TMEM59: variants seen among roughly 807,000 people sequenced by gnomAD.
TMEM59 encodes dendritic cell factor 1.
A neutral mutation model predicts 42.2 loss-of-function variants in TMEM59; 44 were observed. The observed-to-expected ratio is 1.04, with a 90% CI of 0.82 to 1.34. The LOEUF (loss-of-function observed/expected upper bound fraction) is 1.34, where lower values mean the gene tolerates loss of function less well. TMEM59 is among the 40% of genes most tolerant of loss of function. The probability of loss-of-function intolerance (pLI) is 0.00; values close to 1 mark genes in which losing one functional copy is unlikely to be tolerated. For missense variants in TMEM59, 359 were observed against 382.8 expected (o/e 0.94, Z 0.52); for synonymous variants, 148 against 145.8 (o/e 1.02, Z -0.11).
rs576420308 is a variant in TMEM59 at position 54,035,218 on chromosome 1, T to C, written c.816+1392A>G. On this transcript the variant is annotated intron_variant, in intron 7 of 7. Transcript: ENST00000234831. ...TTAATCATTTTTCATGTGCAAATCA[T>C]ATATTTAAACATCTTTATAGTCTAT... Among the ~76,000 whole-genome samples, 7 of 152,298 alleles carry C rather than the reference T, an allele frequency of 4.6e-5. No individual in the cohort carries two copies. The East Asian group carries it at 1.4e-3, about 29-fold the overall frequency.
chr1:54,047,189 C>A, intron 2 of TMEM59, 78 bp downstream of exon 2: 5 of 1,215,700 alleles, frequency 4.1e-6, no homozygotes, highest in Non-Finnish European at 5.8e-6. Context: ...TTTCCATTTC[C>A]TAAAGAAAAT....
chr1:54,032,424 T>G lies in TMEM59; in HGVS notation c.817-119A>C, dbSNP rs191643773. 5.9e-6 allele frequency: 6 copies of G among 1,014,456 alleles called. No individual in the cohort carries two copies. The Admixed American group carries it at 9.9e-5, about 17-fold the overall frequency. 62.8% of individuals were successfully genotyped at this position (1,014,456 alleles called of 1,614,324 possible). Reference sequence around the variant, plus strand: ...GTAAAAAAAATTCTATAAACAACTTTAAGAAAGAAGAATACTTTTTCTCAA... The same window carrying G: ...GTAAAAAAAATTCTATAAACAACTTGAAGAAAGAAGAATACTTTTTCTCAA... On this transcript the variant is annotated intron_variant, in intron 7 of 7. Coordinates refer to ENST00000234831, the MANE Select transcript of TMEM59 (RefSeq NM_004872.5).
chr1:54,038,405 A>T (rs1657025207), intron 6 of TMEM59, among the ~76,000 whole-genome samples: 1 of 152,100 alleles, frequency 6.6e-6, no homozygotes, highest in African/African-American at 2.4e-5. Context: ...CATGTGTAGG[A>T]CTGTGTGTGT....
rs1026151509 is a variant in TMEM59, at chr1:54,032,395, G to T, written c.817-90C>A. 15 of 1,235,392 alleles carry T rather than the reference G, an allele frequency of 1.2e-5. No individual in the cohort carries two copies. In the Admixed American group the frequency reaches 2.1e-4, roughly 17 times the overall value. The allele number at this position is 1,235,392 out of a possible 1,614,324, so 76.5% of individuals were successfully genotyped here. ...TAAATAACAATTTAATTTATAAATAGTTGGTAAAAAAAATTCTATAAACAA... is the reference window on the plus strand; with the variant it reads ...TAAATAACAATTTAATTTATAAATATTTGGTAAAAAAAATTCTATAAACAA... On this transcript the variant is annotated intron_variant, in intron 7 of 7. Coordinates refer to ENST00000234831, the MANE Select transcript of TMEM59 (RefSeq NM_004872.5).
chr1:54,040,694 TATATCTCTCTG>T, intron 6 of TMEM59, 51 bp downstream of exon 6: 1 of 1,235,198 alleles, frequency 8.1e-7, no homozygotes, highest in Non-Finnish European at 1.2e-6. Context: ...TAAAAAGTAA[TATATCTCTCTG>T]ATACAAGCCA....
intron 6 of TMEM59, 109 bp downstream of exon 6, chr1:54,040,646 TA>T: frequency 2.5e-6 from 2 of 805,090 alleles, no homozygotes; most frequent in Non-Finnish European, 4.0e-6. Context: ...AAGGAACAAG[TA>T]AAAAGGTTTA....
chr1:54,033,611 A>C (rs1408171628), intron 7 of TMEM59: 2 of 151,446 alleles, frequency 1.3e-5, no homozygotes, highest in East Asian at 1.9e-4. Context: ...CACAAAAAAA[A>C]AAAAAAAAAA....
chr1:54,047,238 C>G, intron 2 of TMEM59, 29 bp downstream of exon 2: 1 of 1,555,240 alleles, frequency 6.4e-7, no homozygotes, highest in Non-Finnish European at 8.8e-7. Context: ...ATGTTACATA[C>G]AGCTGATGTC....
At position 54,030,191 on chromosome 1, in the gene TMEM59, T is replaced by C. The variant is rs565412839; in HGVS notation, c.*1959A>G. ...TCTCATTATATTGCCCAGGATGGTG[T>C]TGAACTCCTGGCCCCAAGTGATCTA... On this transcript the variant is annotated 3_prime_UTR_variant, in exon 8 of 8. Transcript: ENST00000234831. The C allele has an allele frequency of 2.6e-5, 4 of 152,138 alleles. No individual in the cohort carries two copies. The highest frequency in any genetic ancestry group is 5.9e-5 in the Non-Finnish European group (4 of 68,022). The allele number at this position is 152,138 out of a possible 1,614,324, so 9.4% of individuals were successfully genotyped here.
chr1:54,047,248 C>CG lies in TMEM59; in HGVS notation c.295+18dup, dbSNP rs1657370939. The CG allele has an allele frequency of 6.3e-7, 1 of 1,589,152 alleles. No homozygotes were observed. Among genetic ancestry groups the CG allele is most frequent in the Non-Finnish European group, 8.6e-7 (1 of 1,161,220 alleles). On this transcript the variant is annotated intron_variant, in intron 2 of 7. Coordinates refer to ENST00000234831, the MANE Select transcript of TMEM59 (RefSeq NM_004872.5). ...AAACAATGTTACATACAGCTGATGTCGTTAGCATAGCATCTTACCAGATTC... is the reference window on the plus strand; with the variant it reads ...AAACAATGTTACATACAGCTGATGTCGGTTAGCATAGCATCTTACCAGATTC...
intron 3 of TMEM59, chr1:54,045,006 T>C (rs1383563630): frequency 6.6e-6 from 1 of 152,210 alleles, no homozygotes; most frequent in Non-Finnish European, 1.5e-5. Context: ...TGTATACTCT[T>C]TTTATCTTTT....
intron 1 of TMEM59, among the ~76,000 whole-genome samples, chr1:54,048,433 T>C (rs1323793040): frequency 6.6e-6 from 1 of 152,230 alleles, no homozygotes; most frequent in African/African-American, 2.4e-5. Flanking sequence ...AGAAGGTGCT[T>C]AATAAATGGT....
intron 2 of TMEM59, among the ~76,000 whole-genome samples, chr1:54,046,653 TA>T (rs1657347538): frequency 6.6e-6 from 1 of 152,218 alleles, no homozygotes; most frequent in Non-Finnish European, 1.5e-5. Context: ...GGCATAGTGA[TA>T]GGGGAAAAGG....
chr1:54,036,680 G>A lies in TMEM59; in HGVS notation c.746C>T (p.Ser249Leu), dbSNP rs377060566. The A allele has an allele frequency of 6.8e-5, 109 of 1,609,012 alleles. No homozygotes were observed. The highest frequency in any genetic ancestry group is 5.1e-4 in the South Asian group (46 of 90,154). Reference protein sequence around the residue: ...GWILTTTLVLSVMVLLWICCA... With the variant: ...GWILTTTLVLLVMVLLWICCA... ...ACAAATCCAAAGCAATACCATCACC[G>A]AGAGGACAAGAGTTGTAGTTAAAAT... The change falls in exon 7 of 8, where the codon TCG becomes TTG. Residue 249 changes from serine to leucine, a missense_variant. By Grantham distance (145) the Ser-to-Leu change is moderately radical (BLOSUM62 -2). Transcript: ENST00000234831.
Position 54,047,365 on chromosome 1 carries a change from T to C in TMEM59, c.197A>G (p.Glu66Gly). Residue 66 changes from glutamate to glycine, a missense_variant, in exon 2 of 8, where the codon GAG becomes GGG. Transcript: ENST00000234831. The stretch of plus-strand genomic sequence containing the variant: ...GCAACCTCTCTGACATGCGTACAAC[T>C]CCTCTTCCTAGGGAGTTCAAGAACA... ...YPLHTYPKEE[E>G]LYACQRGCRL... is the part of the protein sequence containing the mutation. 6.2e-7 allele frequency: 1 copy of C among 1,613,220 alleles called. No homozygotes were observed. The highest frequency in any genetic ancestry group is 8.5e-7 in the Non-Finnish European group (1 of 1,179,718).
chr1:54,035,713 A>G lies in TMEM59; in HGVS notation c.816+897T>C, dbSNP rs148539403. Among the ~76,000 whole-genome samples, 944 of 152,222 alleles carry G rather than the reference A, an allele frequency of 6.2e-3. 10 individuals carry two copies. The highest frequency in any genetic ancestry group is 0.022 in the African/African-American group (897 of 41,512). ...CTGCAGCCTCAACCTCCTGGGCTCAAGTGATCCTCCCACCTCAGCCTCCTA... is the reference window on the plus strand; with the variant it reads ...CTGCAGCCTCAACCTCCTGGGCTCAGGTGATCCTCCCACCTCAGCCTCCTA... On this transcript the variant is annotated intron_variant, in intron 7 of 7. Coordinates refer to ENST00000234831, the MANE Select transcript of TMEM59 (RefSeq NM_004872.5).
rs975964733 is a variant in TMEM59, at chr1:54,029,667, T to C, written c.*2483A>G. The C allele has an allele frequency of 9.7e-4, 147 of 152,284 alleles. No individual in the cohort carries two copies. The highest frequency in any genetic ancestry group is 9.5e-3 in the Admixed American group (145 of 15,302). The allele number at this position is 152,284 out of a possible 1,614,324, so 9.4% of individuals were successfully genotyped here. ...CTGTATATATTTTGGGGATTTTTTT[T>C]CAAAAGTAAAATATTTCTTCTCAAA... On this transcript the variant is annotated 3_prime_UTR_variant, in exon 8 of 8. Coordinates refer to ENST00000234831, the MANE Select transcript of TMEM59 (RefSeq NM_004872.5).
intron 7 of TMEM59, among the ~76,000 whole-genome samples, chr1:54,036,387 CAT>C (rs1256529940): frequency 6.6e-6 from 1 of 152,048 alleles, no homozygotes; most frequent in Non-Finnish European, 1.5e-5. Context: ...AGCCAGTCAA[CAT>C]ATATGTCACC....
In TMEM59 at chr1:54,027,454, T is replaced by C. The variant is rs1194155168; in HGVS notation, c.*4696A>G. On this transcript the variant is annotated 3_prime_UTR_variant, in exon 8 of 8. Coordinates refer to ENST00000234831, the MANE Select transcript of TMEM59 (RefSeq NM_004872.5). The stretch of plus-strand genomic sequence containing the variant: ...AAGTTTGAAACAAATAAGTCATTAA[T>C]ATCACAGGAAGAGAGTACTTAATAG... 6.6e-6 allele frequency: 1 copy of C among 152,152 alleles called. No homozygotes were observed. The highest frequency in any genetic ancestry group is 1.5e-5 in the Non-Finnish European group (1 of 68,034). 9.4% of individuals were successfully genotyped at this position (152,152 alleles called of 1,614,324 possible).
Sources: allele counts gnomAD v4.1 joint callset (sites outside exome capture counted in the v4.1 genomes callset), GRCh38; gene constraint gnomAD v4.1.1; transcripts MANE v1.5; gene names NCBI Gene and HGNC (gene_info 2026-07-23, HGNC 2026-07-21).